SNTB2: variants seen among roughly 807,000 people sequenced by gnomAD.
The protein encoded by SNTB2 is syntrophin beta 2, also known as beta-2-syntrophin.
A neutral mutation model predicts 46.2 loss-of-function variants in SNTB2; 34 were observed. The observed-to-expected ratio is 0.74, with a 90% CI of 0.56 to 0.98. The LOEUF (loss-of-function observed/expected upper bound fraction) is 0.98, where lower values mean the gene tolerates loss of function less well. SNTB2 is among the 50% of genes least tolerant of loss of function. The pLI, the probability that SNTB2 is intolerant of heterozygous loss-of-function variation, is 0.00. For synonymous variants in SNTB2, 290 were observed against 312.6 expected (o/e 0.93, Z 0.76); for missense variants, 603 against 731.4 (o/e 0.82, Z 2.02).
At chr16:69,222,321 G>A (rs768347838) in intron 1 of SNTB2, among the ~76,000 whole-genome samples, 73 of 152,210 alleles carry the variant, frequency 4.8e-4, no homozygotes, top group African/African-American at 1.4e-3. Context: ...AGCCTGGTGC[G>A]GTGACTCATG....
chr16:69,292,608 ATT>A (rs555750337), intron 5 of SNTB2, among the ~76,000 whole-genome samples: 15 of 119,752 alleles, frequency 1.3e-4, no homozygotes, highest in East Asian at 2.5e-4. Context: ...TGCCCAGCTA[ATT>A]TTTTTTTTTT....
In SNTB2 at chr16:69,308,468, T is replaced by C. The variant is rs577797844; in HGVS notation, c.*7544T>C. 2.6e-5 allele frequency: 4 copies of C among 152,376 alleles called. No homozygotes were observed. The highest frequency in any genetic ancestry group is 3.9e-4 in the East Asian group (2 of 5,192). The allele number at this position is 152,376 out of a possible 1,614,324, so 9.4% of individuals were successfully genotyped here. Reference sequence around the variant, plus strand: ...CCTCCACTATACGACTCCAGTATTATGTTTACAATCCATTGGATGAGTGCA... The same window carrying C: ...CCTCCACTATACGACTCCAGTATTACGTTTACAATCCATTGGATGAGTGCA... On this transcript the variant is annotated 3_prime_UTR_variant, in exon 7 of 7. Transcript: ENST00000336278.
chr16:69,233,828 C>G (rs1964531010), intron 1 of SNTB2, among the ~76,000 whole-genome samples: 1 of 151,998 alleles, frequency 6.6e-6, no homozygotes, highest in African/African-American at 2.4e-5. Context: ...ACAAAAAAAA[C>G]TAGCCAGGTA....
At chr16:69,216,321 C>T (rs1964347005) in intron 1 of SNTB2, among the ~76,000 whole-genome samples, 1 of 152,068 alleles carries the variant, frequency 6.6e-6, no homozygotes, top group Admixed American at 6.5e-5. Context: ...AATTATTTTT[C>T]ACAAGTTAAT....
chr16:69,304,002 C>T lies in SNTB2; in HGVS notation c.*3078C>T, dbSNP rs905349110. 2.6e-5 allele frequency: 4 copies of T among 152,326 alleles called. No individual in the cohort carries two copies. In the East Asian group the frequency reaches 5.8e-4, roughly 22 times the overall value. The allele number at this position is 152,326 out of a possible 1,614,324, so 9.4% of individuals were successfully genotyped here. A position where few individuals can be genotyped will look rare whatever the true frequency, so the allele number is the denominator to read the frequency against. ...GGGACTGCTTCCTGTGCCCCCCAGACCCGGGGCTTCGACAGCTTCTCCACA... is the reference window on the plus strand; with the variant it reads ...GGGACTGCTTCCTGTGCCCCCCAGATCCGGGGCTTCGACAGCTTCTCCACA... On this transcript the variant is annotated 3_prime_UTR_variant, in exon 7 of 7. Coordinates refer to ENST00000336278, the MANE Select transcript of SNTB2 (RefSeq NM_006750.4).
At chr16:69,292,787 TTTA>T (rs1352682269) in intron 5 of SNTB2, among the ~76,000 whole-genome samples, 37 of 151,944 alleles carry the variant, frequency 2.4e-4, no homozygotes, top group African/African-American at 8.9e-4. Flanking sequence ...AATTTTTTGA[TTTA>T]TTATTTATTG....
At chr16:69,201,325 A>C (rs1964159258) in intron 1 of SNTB2, among the ~76,000 whole-genome samples, 1 of 152,204 alleles carries the variant, frequency 6.6e-6, no homozygotes, top group Non-Finnish European at 1.5e-5. Context: ...CTAAGCCAAA[A>C]AGTTGCCATC....
At chr16:69,270,023 A>G (rs1964923065) in intron 3 of SNTB2, 120 bp from the exon 4 acceptor site, 2 of 1,089,472 alleles carry the variant, frequency 1.8e-6, no homozygotes, top group East Asian at 2.4e-5. Context: ...TCCTGAATGT[A>G]AAGTCCATCA....
At chr16:69,295,730 T>TG (rs1965217229) in intron 5 of SNTB2, among the ~76,000 whole-genome samples, 1 of 143,450 alleles carries the variant, frequency 7.0e-6, no homozygotes, top group East Asian at 2.0e-4. Context: ...GAATTTATAC[T>TG]GAAAAAAAAA....
intron 1 of SNTB2, among the ~76,000 whole-genome samples, chr16:69,238,443 A>T (rs1230422651): frequency 6.6e-6 from 1 of 152,174 alleles, no homozygotes; most frequent in African/African-American, 2.4e-5. Flanking sequence ...TTGTCCCTTT[A>T]TTAAATCCCT....
rs1170281548 is a variant in SNTB2, at chr16:69,220,322, C to T, written c.581-25280C>T. Among the ~76,000 whole-genome samples, 8 of 150,980 alleles carry T rather than the reference C, an allele frequency of 5.3e-5. No homozygotes were observed. The East Asian group carries it at 5.9e-4, about 11-fold the overall frequency. ...GACTACAGGCGCCCGCCACCACACC[C>T]GGCTAATTTTTTGTATTTTTAGTAG... On this transcript the variant is annotated intron_variant, in intron 1 of 6. Coordinates refer to ENST00000336278, the MANE Select transcript of SNTB2 (RefSeq NM_006750.4).
Position 69,230,704 on chromosome 16 carries a change from G to A in SNTB2, c.581-14898G>A, listed in dbSNP as rs540582047. On this transcript the variant is annotated intron_variant, in intron 1 of 6. Coordinates refer to ENST00000336278, the MANE Select transcript of SNTB2 (RefSeq NM_006750.4). ...AGTAGCCTCTAATATTTGAGCAGGA[G>A]ACTAAAAGGAATATAAATTATTCCT... is the stretch of plus-strand genomic sequence containing the variant. 2.0e-4 allele frequency among the ~76,000 whole-genome samples: 30 copies of A among 150,796 alleles called. No homozygotes were observed. The South Asian group carries it at 6.3e-3, about 32-fold the overall frequency.
intron 4 of SNTB2, among the ~76,000 whole-genome samples, chr16:69,274,320 A>T (rs1275692962): frequency 6.6e-6 from 1 of 151,470 alleles, no homozygotes; most frequent in Non-Finnish European, 1.5e-5. Context: ...TCAAAAAAAA[A>T]AAAAAAGTAT....
At chr16:69,278,763 C>A (rs1303725446) in intron 4 of SNTB2, among the ~76,000 whole-genome samples, 1 of 152,154 alleles carries the variant, frequency 6.6e-6, no homozygotes, top group Admixed American at 6.5e-5. Context: ...GCCAATATTG[C>A]AGTCTTATGT....
intron 1 of SNTB2, among the ~76,000 whole-genome samples, chr16:69,234,376 T>TAAATAA (rs1339610884): frequency 6.6e-6 from 1 of 152,156 alleles, no homozygotes; most frequent in Non-Finnish European, 1.5e-5. Flanking sequence ...AGGGAATGCC[T>TAAATAA]AAATAAATTA....
intron 1 of SNTB2, among the ~76,000 whole-genome samples, chr16:69,207,157 T>TCTTTC (rs1387949684): frequency 6.9e-6 from 1 of 144,126 alleles, no homozygotes; most frequent in African/African-American, 2.6e-5. Context: ...TTTCTTTCTT[T>TCTTTC]TTTTTTTTTT....
chr16:69,289,096 C>T (rs764236152), intron 5 of SNTB2, among the ~76,000 whole-genome samples: 4 of 151,722 alleles, frequency 2.6e-5, no homozygotes, highest in Admixed American at 6.6e-5. Context: ...ATGGAGAAAC[C>T]CCATCTCTAC....
intron 1 of SNTB2, among the ~76,000 whole-genome samples, chr16:69,219,776 G>C (rs1013458397): frequency 1.3e-5 from 2 of 150,326 alleles, no homozygotes; most frequent in Non-Finnish European, 3.0e-5. Flanking sequence ...TTTGGAGATG[G>C]AGTCTCACTG....
At chr16:69,278,457 G>GTTT (rs34221812) in intron 4 of SNTB2, among the ~76,000 whole-genome samples, 5 of 140,306 alleles carry the variant, frequency 3.6e-5, no homozygotes, top group East Asian at 2.1e-4. Flanking sequence ...TTTTTGTAGG[G>GTTT]TTTTTTTTTT....
Sources: gnomAD v4.1 joint callset for allele counts (sites outside exome capture counted in the v4.1 genomes callset) on GRCh38, gnomAD v4.1.1 for gene constraint, MANE v1.5 for transcripts, NCBI Gene and HGNC (gene_info 2026-07-23, HGNC 2026-07-21) for gene names.